ME1: variants seen among roughly 807,000 people sequenced by gnomAD.
ME1 encodes NADP-dependent malic enzyme.
Under a neutral mutation model 66.4 loss-of-function variants are expected in ME1, and 74 were observed. The observed-to-expected ratio is 1.11, with a 90% CI of 0.92 to 1.35. ME1 has a LOEUF of 1.35. Among genes scored for constraint, ME1 ranks in the 40% most tolerant of loss-of-function variants. The probability of loss-of-function intolerance (pLI) is 0.00; values close to 1 mark genes in which losing one functional copy is unlikely to be tolerated. For synonymous variants in ME1, 251 were observed against 235.6 expected (o/e 1.07, Z -0.60); for missense variants, 750 against 694.1 (o/e 1.08, Z -0.90).
chr6:83,290,427 G>A (rs1223047031), intron 6 of ME1, among the ~76,000 whole-genome samples: 1 of 152,170 alleles, frequency 6.6e-6, no homozygotes, highest in African/African-American at 2.4e-5. Context: ...TTTCCATGTA[G>A]TTGTGTGGTT....
intron 3 of ME1, among the ~76,000 whole-genome samples, chr6:83,389,594 T>A (rs1447964007): frequency 6.6e-6 from 1 of 152,090 alleles, no homozygotes; most frequent in African/African-American, 2.4e-5. Flanking sequence ...GAGAGGGAGA[T>A]AAATCTTAGA....
At chr6:83,374,897 G>T (rs1769258315) in intron 3 of ME1, among the ~76,000 whole-genome samples, 1 of 152,146 alleles carries the variant, frequency 6.6e-6, no homozygotes, top group Non-Finnish European at 1.5e-5. Context: ...TCAAAGATCA[G>T]ATAGTTAGAG....
At chr6:83,341,128 G>GCAAT (rs1350127844) in intron 5 of ME1, among the ~76,000 whole-genome samples, 3 of 151,886 alleles carry the variant, frequency 2.0e-5, no homozygotes, top group Non-Finnish European at 4.4e-5. Flanking sequence ...AACCACCTGG[G>GCAAT]CAATCAATCA....
intron 6 of ME1, among the ~76,000 whole-genome samples, chr6:83,256,430 T>C (rs990067376): frequency 6.6e-6 from 1 of 151,798 alleles, no homozygotes; most frequent in African/African-American, 2.4e-5. Flanking sequence ...CCAATAAACA[T>C]ATGAAAAAAA....
intron 6 of ME1, among the ~76,000 whole-genome samples, chr6:83,263,856 G>A (rs1398022607): frequency 3.3e-5 from 5 of 151,342 alleles, no homozygotes; most frequent in East Asian, 1.9e-4. Context: ...GCAAGGTGAA[G>A]CAGAAAGTAC....
intron 5 of ME1, among the ~76,000 whole-genome samples, chr6:83,341,151 T>C (rs529725652): frequency 1.3e-5 from 2 of 152,204 alleles, no homozygotes; most frequent in South Asian, 4.1e-4. Flanking sequence ...CAATCAATCA[T>C]GACTAGGTAA....
chr6:83,416,433 AG>A (rs1770161583), intron 1 of ME1, among the ~76,000 whole-genome samples: 1 of 152,198 alleles, frequency 6.6e-6, no homozygotes, highest in African/African-American at 2.4e-5. Context: ...GAACCAATTT[AG>A]CCCCCTATCA....
intron 1 of ME1, among the ~76,000 whole-genome samples, chr6:83,416,708 GTGAGATCCCCA>G (rs1237502417): frequency 3.9e-5 from 6 of 152,074 alleles, no homozygotes; most frequent in African/African-American, 1.2e-4. Flanking sequence ...GGGCAACATA[GTGAGATCCCCA>G]TCTCTACAAA....
chr6:83,248,199 T>A (rs1247409666), intron 7 of ME1, among the ~76,000 whole-genome samples: 2 of 152,224 alleles, frequency 1.3e-5, no homozygotes, highest in Non-Finnish European at 2.9e-5. Flanking sequence ...ATTCGTTTTC[T>A]TAAACTGAAC....
At chr6:83,285,005 G>T (rs960667448) in intron 6 of ME1, among the ~76,000 whole-genome samples, 8 of 152,152 alleles carry the variant, frequency 5.3e-5, no homozygotes, top group Admixed American at 2.6e-4. Context: ...TTTTGCCATT[G>T]TGAATAGCAC....
intron 1 of ME1, among the ~76,000 whole-genome samples, chr6:83,424,669 G>A (rs16885228): frequency 0.024 from 3,653 of 152,218 alleles, 154 homozygotes; most frequent in East Asian, 0.16. Flanking sequence ...ACAAAGCAAG[G>A]GAAAGTGCTG....
intron 2 of ME1, among the ~76,000 whole-genome samples, chr6:83,405,146 T>G (rs1016945507): frequency 1.3e-5 from 2 of 152,216 alleles, no homozygotes; most frequent in African/African-American, 4.8e-5. Context: ...GAGCATGAAA[T>G]GTTCTTCCAT....
chr6:83,245,939 T>C (rs552303986), intron 7 of ME1, among the ~76,000 whole-genome samples: 89 of 152,298 alleles, frequency 5.8e-4, no homozygotes, highest in African/African-American at 2.1e-3. Flanking sequence ...AGAATATTAA[T>C]TGTAAGTCTT....
chr6:83,349,465 C>T (rs887967533), intron 4 of ME1, among the ~76,000 whole-genome samples: 1 of 152,112 alleles, frequency 6.6e-6, no homozygotes, highest in Non-Finnish European at 1.5e-5. Context: ...TAAATCTTCA[C>T]CCCACTATAC....
At chr6:83,346,995 C>T (rs1442083416) in intron 4 of ME1, among the ~76,000 whole-genome samples, 2 of 151,866 alleles carry the variant, frequency 1.3e-5, no homozygotes, top group Non-Finnish European at 2.9e-5. Context: ...GCTCTGTCAC[C>T]CAGGCTGGAG....
At chr6:83,254,313 T>C (rs1235077295) in intron 6 of ME1, among the ~76,000 whole-genome samples, 1 of 152,178 alleles carries the variant, frequency 6.6e-6, no homozygotes. Flanking sequence ...CAGATCTTCA[T>C]TGTGGCCCTT....
chr6:83,257,021 T>A (rs772107444), intron 6 of ME1, among the ~76,000 whole-genome samples: 44 of 151,390 alleles, frequency 2.9e-4, no homozygotes, highest in Non-Finnish European at 1.0e-4. Context: ...GAGGGGAACA[T>A]CATCACACCG....
At position 83,230,703 on chromosome 6, in the gene ME1, G is replaced by A. The variant is rs898412756; in HGVS notation, c.1027-1772C>T. 1.4e-4 allele frequency among the ~76,000 whole-genome samples: 22 copies of A among 152,204 alleles called. 1 individual carries two copies. The South Asian group carries it at 4.2e-3, about 29-fold the overall frequency. ...TCCCAGCACTTTGGGAGGCTGAGGC[G>A]GGCGGATCACGAGGTCAGGAGATCG... On this transcript the variant is annotated intron_variant, in intron 9 of 13. Transcript: ENST00000369705.
At position 83,273,725 on chromosome 6, in the gene ME1, G is replaced by A. The variant is rs3798895; in HGVS notation, c.705-19987C>T. On this transcript the variant is annotated intron_variant, in intron 6 of 13. Coordinates refer to ENST00000369705, the MANE Select transcript of ME1 (RefSeq NM_002395.6). ...TACCATTTTAGAAAGAAGATTTTAT[G>A]TCAGCTGACAAGAATCTACTTCATG... Among the ~76,000 whole-genome samples, 9 of 152,242 alleles carry A rather than the reference G, an allele frequency of 5.9e-5. No homozygotes were observed. The East Asian group carries it at 1.7e-3, about 29-fold the overall frequency.
Sources: gnomAD v4.1 joint callset for allele counts (sites outside exome capture counted in the v4.1 genomes callset) on GRCh38, gnomAD v4.1.1 for gene constraint, MANE v1.5 for transcripts, NCBI Gene and HGNC (gene_info 2026-07-23, HGNC 2026-07-21) for gene names.